The following TP53BP2 variants were observed in gnomAD, a reference collection of about 807,000 sequenced individuals.
The protein encoded by TP53BP2 is apoptosis-stimulating of p53 protein 2.
Under a neutral mutation model 126.2 loss-of-function variants are expected in TP53BP2, and 62 were observed. The observed-to-expected ratio is 0.49, with a 90% CI of 0.40 to 0.61. The LOEUF (loss-of-function observed/expected upper bound fraction) is 0.61. Ranked by LOEUF, TP53BP2 falls within the 20% of genes least tolerant of loss-of-function variation. TP53BP2 has a pLI of 0.00. For synonymous variants in TP53BP2, 485 were observed against 502.9 expected (o/e 0.96, Z 0.48); for missense variants, 1,215 against 1,402.8 (o/e 0.87, Z 2.14).
chr1:223,799,646 G>A (rs560538153), intron 11 of TP53BP2, among the ~76,000 whole-genome samples: 36 of 152,224 alleles, frequency 2.4e-4, no homozygotes, highest in Admixed American at 3.9e-4. Context: ...AGTGTTCTTC[G>A]ATGCACTTAT....
rs1317901567 is a variant in TP53BP2 at position 223,780,582 on chromosome 1, G to T, written c.*271C>A. 2.7e-6 allele frequency: 1 copy of T among 371,512 alleles called. No homozygotes were observed. The highest frequency in any genetic ancestry group is 4.8e-6 in the Non-Finnish European group (1 of 206,410). 23.0% of individuals were successfully genotyped at this position (371,512 alleles called of 1,614,324 possible). On this transcript the variant is annotated 3_prime_UTR_variant, in exon 18 of 18. Coordinates refer to ENST00000343537, the MANE Select transcript of TP53BP2 (RefSeq NM_001031685.3). The stretch of plus-strand genomic sequence containing the variant: ...TAGACAGGATTCTTGTAGAAAACAG[G>T]ATTGTCGCTGTATACTTATCTGAGT...
intron 2 of TP53BP2, among the ~76,000 whole-genome samples, chr1:223,820,479 T>G (rs952346060): frequency 1.3e-5 from 2 of 152,194 alleles, no homozygotes; most frequent in African/African-American, 4.8e-5. Context: ...CAGAAGACCT[T>G]CTAGAACATC....
At chr1:223,814,685 A>G (rs1663026601) in intron 2 of TP53BP2, among the ~76,000 whole-genome samples, 1 of 152,222 alleles carries the variant, frequency 6.6e-6, no homozygotes, top group African/African-American at 2.4e-5. Context: ...AATCTATATT[A>G]GATCACATAG....
chr1:223,842,080 C>T (rs1244842930), intron 1 of TP53BP2, among the ~76,000 whole-genome samples: 4 of 152,046 alleles, frequency 2.6e-5, no homozygotes, highest in Non-Finnish European at 4.4e-5. Flanking sequence ...GCTGGGATTA[C>T]AGGCACACGC....
chr1:223,796,012 C>T lies in TP53BP2; in HGVS notation c.2527G>A (p.Val843Ile). Residue 843 changes from valine to isoleucine, a missense_variant, in exon 13 of 18, where the codon GTC becomes ATC. Physicochemically the swap from Val to Ile is conservative, Grantham distance 29. This residue lies in a region of TP53BP2 where 204 missense variants were observed against 225.7 expected (regional missense o/e 0.90). Transcript: ENST00000343537. This position sits in a 1 kb window ranked among gnomAD's most constrained non-coding sequence, Gnocchi z 4.2. ...TGGAGATTTGGGCTGTTGTCTGGGACTCCCTCAGGCTCATAATCAAGGCCT... is the reference window on the plus strand; with the variant it reads ...TGGAGATTTGGGCTGTTGTCTGGGATTCCCTCAGGCTCATAATCAAGGCCT... ...SPGLDYEPEG[V>I]PDNSPNLQNN... The T allele has an allele frequency of 3.7e-6, 6 of 1,613,988 alleles. No homozygotes were observed. The highest frequency in any genetic ancestry group is 4.2e-6 in the Non-Finnish European group (5 of 1,179,916).
At chr1:223,815,731 T>C (rs1663063182) in intron 2 of TP53BP2, among the ~76,000 whole-genome samples, 1 of 152,210 alleles carries the variant, frequency 6.6e-6, no homozygotes, top group Non-Finnish European at 1.5e-5. Context: ...CCTACGGTCA[T>C]GCACTGCATG....
At chr1:223,803,573 C>T (rs1455511278) in intron 6 of TP53BP2, 121 bp from the exon 7 acceptor site, 5 of 864,132 alleles carry the variant, frequency 5.8e-6, no homozygotes, top group Non-Finnish European at 8.3e-6. Flanking sequence ...TTCAGAATGT[C>T]CTGGAAGCAA....
chr1:223,826,696 T>C (rs998047597), intron 1 of TP53BP2, among the ~76,000 whole-genome samples: 4 of 152,192 alleles, frequency 2.6e-5, no homozygotes, highest in Admixed American at 1.3e-4. Context: ...GTGAATTATA[T>C]CTCAATTTTC....
chr1:223,781,870 T>TTG (rs1226028480), intron 17 of TP53BP2, among the ~76,000 whole-genome samples: 1 of 149,886 alleles, frequency 6.7e-6, no homozygotes, highest in African/African-American at 2.5e-5. Flanking sequence ...CAAGAAAAGA[T>TTG]TTTCAAAGTA....
chr1:223,792,779 C>G (rs1270133282), intron 14 of TP53BP2, among the ~76,000 whole-genome samples: 3 of 151,164 alleles, frequency 2.0e-5, no homozygotes, highest in Non-Finnish European at 4.4e-5. Context: ...AAACTATATC[C>G]TTATAGTCAT....
Position 223,780,909 on chromosome 1 carries a change from A to T in TP53BP2, c.3364-15T>A, listed in dbSNP as rs1258153006. 1 of 1,611,922 alleles carries T rather than the reference A, an allele frequency of 6.2e-7. No homozygotes were observed. The highest frequency in any genetic ancestry group is 1.3e-5 in the African/African-American group (1 of 74,924). On this transcript the variant is annotated splice_polypyrimidine_tract_variant and intron_variant, in intron 17 of 17. Coordinates refer to ENST00000343537, the MANE Select transcript of TP53BP2 (RefSeq NM_001031685.3). ...CTTGGGTACAGCTGCAAGAGAGTTTAAAAAATTTTACATACTATAATAGAT... is the reference window on the plus strand; with the variant it reads ...CTTGGGTACAGCTGCAAGAGAGTTTTAAAAATTTTACATACTATAATAGAT...
intron 1 of TP53BP2, among the ~76,000 whole-genome samples, chr1:223,824,623 G>A (rs964324790): frequency 6.6e-6 from 1 of 151,860 alleles, no homozygotes; most frequent in Non-Finnish European, 1.5e-5. Context: ...GTTTACCTAC[G>A]TAACAAACCT....
chr1:223,803,564 T>G (rs748294808), intron 6 of TP53BP2, 112 bp from the exon 7 acceptor site: 1 of 1,045,174 alleles, frequency 9.6e-7, no homozygotes, highest in Non-Finnish European at 1.3e-6. Context: ...GAAAAATTTT[T>G]CAGAATGTCC....
intron 12 of TP53BP2, 122 bp downstream of exon 12, chr1:223,798,093 C>T: frequency 1.1e-6 from 1 of 942,208 alleles, no homozygotes. Context: ...GAACAGAAGC[C>T]ACAGTTAAAA....
intron 8 of TP53BP2, 36 bp downstream of exon 8, chr1:223,802,695 C>T (rs767728999): frequency 9.9e-6 from 16 of 1,609,004 alleles, no homozygotes; most frequent in Non-Finnish European, 1.2e-5. Context: ...ATCTTTTTCC[C>T]TCCTCCCCAA....
Position 223,802,184 on chromosome 1 carries a change from G to A in TP53BP2, c.1157C>T (p.Ala386Val). Reference protein sequence around the residue: ...ALPDGSLVIQASEGPMKIQTL... With the variant: ...ALPDGSLVIQVSEGPMKIQTL... Reference sequence around the variant, plus strand: ...CTGTATTTTCATCGGCCCCTCTGAAGCCTGAATGACCAAGGAACCATCCGG... The same window carrying A: ...CTGTATTTTCATCGGCCCCTCTGAAACCTGAATGACCAAGGAACCATCCGG... The change falls in exon 9 of 18, where the codon GCT becomes GTT. Residue 386 changes from alanine to valine, a missense_variant. By Grantham distance (64) the Ala-to-Val change is moderately conservative (BLOSUM62 0). Coordinates refer to ENST00000343537, the MANE Select transcript of TP53BP2 (RefSeq NM_001031685.3). 3 of 1,614,196 alleles carry A rather than the reference G, an allele frequency of 1.9e-6. No individual in the cohort carries two copies. The highest frequency in any genetic ancestry group is 2.2e-5 in the South Asian group (2 of 91,090).
chr1:223,796,408 A>C lies in TP53BP2; in HGVS notation c.2131T>G (p.Phe711Val). Residue 711 changes from phenylalanine (F) to valine (V), a missense_variant, in exon 13 of 18, where the codon TTC (phenylalanine) becomes GTC (valine). Around this residue, in one of 4 missense-constraint regions of TP53BP2, gnomAD observed 46 missense variants for 93.0 expected, o/e 0.49. Transcript: ENST00000343537. This position sits in a 1 kb window ranked among gnomAD's most constrained non-coding sequence, Gnocchi z 4.2. ...RPLSPTKLLPFLSNPYRNQSD... is the reference protein window; with the variant it reads ...RPLSPTKLLPVLSNPYRNQSD... ...TGGTTTCGGTAAGGATTAGATAAGAAAGGCAGTAATTTAGTTGGGCTGAGT... is the reference window on the plus strand; with the variant it reads ...TGGTTTCGGTAAGGATTAGATAAGACAGGCAGTAATTTAGTTGGGCTGAGT... 1 of 1,614,208 alleles carries C rather than the reference A, an allele frequency of 6.2e-7. No individual in the cohort carries two copies. Among genetic ancestry groups the C allele is most frequent in the Non-Finnish European group, 8.5e-7 (1 of 1,180,026 alleles).
At chr1:223,780,951 A>C in intron 17 of TP53BP2, 57 bp from the exon 18 acceptor site, 4 of 1,497,952 alleles carry the variant, frequency 2.7e-6, no homozygotes, top group Non-Finnish European at 3.7e-6. Flanking sequence ...GAATATAACA[A>C]AATTTCAAGA....
rs938017154 is a variant in TP53BP2, at chr1:223,796,856, A to G, written c.1949-266T>C. Among the ~76,000 whole-genome samples the G allele has an allele frequency of 6.6e-6, 1 of 152,360 alleles. No individual in the cohort carries two copies. The highest frequency in any genetic ancestry group is 2.4e-5 in the African/African-American group (1 of 41,590). On this transcript the variant is annotated intron_variant, in intron 12 of 17. Transcript: ENST00000343537. The surrounding 1 kb of genome is among the most constrained non-coding windows in gnomAD (Gnocchi z 4.2). Reference sequence around the variant, plus strand: ...AACAATAAGAAAATGTTGCCGTTTTAAGAAATCACTGTAGCATCCAAATTT... The same window carrying G: ...AACAATAAGAAAATGTTGCCGTTTTGAGAAATCACTGTAGCATCCAAATTT...
Sources: gnomAD v4.1 joint callset for allele counts (sites outside exome capture counted in the v4.1 genomes callset) on GRCh38, gnomAD v4.1.1 for gene constraint, gnomAD v4.1.1 regional missense constraint, Gnocchi (gnomAD v3.1) non-coding constraint, MANE v1.5 for transcripts, NCBI Gene and HGNC (gene_info 2026-07-23, HGNC 2026-07-21) for gene names.